Variants in LUZP2 observed in about 807,000 individuals in gnomAD.
The protein encoded by LUZP2 is leucine zipper protein 2.
Under a neutral mutation model 51.6 loss-of-function variants are expected in LUZP2, and 52 were observed. The ratio of observed to expected loss-of-function variants is 1.01; its 90% CI spans 0.81 to 1.27. The LOEUF is 1.27. Ranked by LOEUF, LUZP2 falls within the 50% of genes most tolerant of loss-of-function variation. The pLI, the probability that LUZP2 is intolerant of heterozygous loss-of-function variation, is 0.00. For synonymous variants in LUZP2, 154 were observed against 137.3 expected (o/e 1.12, Z -0.85); for missense variants, 436 against 395.4 (o/e 1.10, Z -0.87).
At chr11:25,054,671 T>C (rs1426304657) in intron 10 of LUZP2, among the ~76,000 whole-genome samples, 1 of 152,166 alleles carries the variant, frequency 6.6e-6, no homozygotes, top group Admixed American at 6.5e-5. Context: ...AATTTTTTAA[T>C]TGATTTATCC....
At chr11:25,012,145 G>T (rs1857003078) in intron 9 of LUZP2, among the ~76,000 whole-genome samples, 1 of 152,132 alleles carries the variant, frequency 6.6e-6, no homozygotes, top group South Asian at 2.1e-4. Context: ...AGGGTAATCT[G>T]CTTTGCTGAG....
chr11:24,801,412 T>C (rs1196813648), intron 5 of LUZP2, among the ~76,000 whole-genome samples: 2 of 152,064 alleles, frequency 1.3e-5, no homozygotes, highest in Non-Finnish European at 1.5e-5. Flanking sequence ...TGGTGATGTA[T>C]TGTGTTTGGA....
chr11:24,924,075 C>T (rs1430725768), intron 7 of LUZP2, among the ~76,000 whole-genome samples: 1 of 151,556 alleles, frequency 6.6e-6, no homozygotes, highest in African/African-American at 2.4e-5. Context: ...CCCCACTCCC[C>T]GGCTTTTTTT....
intron 7 of LUZP2, among the ~76,000 whole-genome samples, chr11:24,933,280 G>A (rs1854505391): frequency 1.3e-5 from 2 of 152,124 alleles, no homozygotes; most frequent in East Asian, 1.9e-4. Flanking sequence ...TTTTCATGAT[G>A]TGAGTCTCCA....
chr11:24,543,425 C>T (rs938298261), intron 1 of LUZP2, among the ~76,000 whole-genome samples: 1 of 152,022 alleles, frequency 6.6e-6, no homozygotes, highest in African/African-American at 2.4e-5. Flanking sequence ...AAAAAGCTAT[C>T]TCAGACTATG....
chr11:24,906,241 GA>G (rs376383170), intron 6 of LUZP2, among the ~76,000 whole-genome samples, 188 bp downstream of exon 6: 1,720 of 141,624 alleles, frequency 0.012, 18 homozygotes, highest in African/African-American at 0.029. Flanking sequence ...TAGCCAAAAG[GA>G]AAAAAAAAAA....
chr11:24,771,059 G>C, intron 5 of LUZP2, among the ~76,000 whole-genome samples: 1 of 152,104 alleles, frequency 6.6e-6, no homozygotes, highest in Non-Finnish European at 1.5e-5. Context: ...TGTCTGAATA[G>C]TAAAGCCTAA....
chr11:24,906,017 G>A lies in LUZP2; in HGVS notation c.423G>A (p.Leu141=). 2.5e-6 allele frequency: 4 copies of A among 1,613,052 alleles called. No homozygotes were observed. Among genetic ancestry groups the A allele is most frequent in the Non-Finnish European group, 3.4e-6 (4 of 1,179,520 alleles). ...ATAAAAGCTTGAAAAACAAACTCTT[G>A]TCAGGAAACAAGCTCTGTGGCATTC... The part of the protein sequence containing the change: ...NENKSLKNKL[L]SGNKLCGIHA... Residue 141 remains leucine (L), a synonymous_variant, in exon 6 of 12, where the codon TTG becomes TTA. Coordinates refer to ENST00000336930, the MANE Select transcript of LUZP2 (RefSeq NM_001009909.4).
At chr11:24,885,376 C>A (rs2134306682) in intron 5 of LUZP2, among the ~76,000 whole-genome samples, 1 of 152,152 alleles carries the variant, frequency 6.6e-6, no homozygotes. Flanking sequence ...AATACAACCA[C>A]CCGTTGAAGT....
At chr11:24,607,167 T>A (rs767118836) in intron 1 of LUZP2, among the ~76,000 whole-genome samples, 9 of 151,776 alleles carry the variant, frequency 5.9e-5, no homozygotes, top group Non-Finnish European at 1.2e-4. Context: ...TATTTTTTAT[T>A]TTCTCGCCTA....
intron 1 of LUZP2, among the ~76,000 whole-genome samples, chr11:24,715,274 T>TGTGTGTGTGTGTGA (rs1857995547): frequency 8.2e-6 from 1 of 121,216 alleles, no homozygotes. Flanking sequence ...TGTGTGTGTG[T>TGTGTGTGTGTGTGA]GTGTGTGTGT....
intron 9 of LUZP2, among the ~76,000 whole-genome samples, chr11:25,035,709 T>G (rs2133998187): frequency 6.6e-6 from 1 of 152,218 alleles, no homozygotes; most frequent in South Asian, 2.1e-4. Flanking sequence ...TACATCAATT[T>G]TATATCTTCA....
Position 25,081,029 on chromosome 11 carries a change from A to ATTTTGTTTTTTTTT in LUZP2, c.*2375_*2376insGTTTTTTTTTTTTT, listed in dbSNP as rs1554964353. Reference sequence around the variant, plus strand: ...ATCAAGTGGGCTTTGGATCCATATGATTTTTTTTTTTTTTTTTTTTTGAGA... The same window carrying ATTTTGTTTTTTTTT: ...ATCAAGTGGGCTTTGGATCCATATGATTTTGTTTTTTTTTTTTTTTTTTTTTTTTTTTTTTGAGA... On this transcript the variant is annotated 3_prime_UTR_variant, in exon 12 of 12. Coordinates refer to ENST00000336930, the MANE Select transcript of LUZP2 (RefSeq NM_001009909.4). 9.9e-6 allele frequency: 1 copy of ATTTTGTTTTTTTTT among 100,706 alleles called. No homozygotes were observed. The highest frequency in any genetic ancestry group is 3.5e-4 in the East Asian group (1 of 2,836). The allele number at this position is 100,706 out of a possible 1,614,324, so 6.2% of individuals were successfully genotyped here.
intron 4 of LUZP2, among the ~76,000 whole-genome samples, chr11:24,745,067 A>G (rs190265641): frequency 1.2e-3 from 177 of 152,168 alleles, no homozygotes; most frequent in African/African-American, 4.1e-3. Flanking sequence ...CTGTGGTCTG[A>G]GAGAGTGTTT....
intron 1 of LUZP2, among the ~76,000 whole-genome samples, chr11:24,666,376 GA>G (rs955753045): frequency 1.3e-5 from 2 of 151,462 alleles, no homozygotes; most frequent in South Asian, 4.2e-4. Context: ...ATTTTATAAG[GA>G]AAAAAAATGA....
At chr11:25,053,702 G>C (rs910540275) in intron 10 of LUZP2, among the ~76,000 whole-genome samples, 2 of 151,970 alleles carry the variant, frequency 1.3e-5, no homozygotes, top group African/African-American at 4.8e-5. Flanking sequence ...ACCAATTGCT[G>C]TCTTTTGGAT....
chr11:24,513,007 C>T (rs1418073777), intron 1 of LUZP2, among the ~76,000 whole-genome samples: 3 of 152,184 alleles, frequency 2.0e-5, no homozygotes, highest in Non-Finnish European at 2.9e-5. Context: ...ATCCACCCGC[C>T]TCGGCCTCCC....
At chr11:24,566,588 ATG>A (rs1852229076) in intron 1 of LUZP2, among the ~76,000 whole-genome samples, 2 of 135,208 alleles carry the variant, frequency 1.5e-5, no homozygotes, top group Admixed American at 1.6e-4. Context: ...ATATATATGT[ATG>A]TGTGTATATA....
At chr11:24,593,973 T>C (rs1462842935) in intron 1 of LUZP2, among the ~76,000 whole-genome samples, 4 of 152,190 alleles carry the variant, frequency 2.6e-5, no homozygotes, top group Non-Finnish European at 5.9e-5. Flanking sequence ...AGGATTTAAA[T>C]AGAATTACAT....
Sources: gnomAD v4.1 joint callset for allele counts (sites outside exome capture counted in the v4.1 genomes callset) on GRCh38, gnomAD v4.1.1 for gene constraint, MANE v1.5 for transcripts, NCBI Gene and HGNC (gene_info 2026-07-23, HGNC 2026-07-21) for gene names.